The following CBFA2T2 variants were observed in gnomAD, a reference collection of about 807,000 sequenced individuals.
The protein encoded by CBFA2T2 is protein CBFA2T2.
In CBFA2T2, 11 loss-of-function variants were observed where a neutral mutation model predicts 62.2. The ratio of observed to expected loss-of-function variants is 0.18; its 90% CI spans 0.11 to 0.29. The LOEUF (loss-of-function observed/expected upper bound fraction) is 0.29. Ranked by LOEUF, CBFA2T2 falls within the 10% of genes least tolerant of loss-of-function variation. CBFA2T2 has a pLI of 1.00. For synonymous variants in CBFA2T2, 295 were observed against 287.5 expected (o/e 1.03, Z -0.27); for missense variants, 592 against 774.1 (o/e 0.76, Z 2.79).
chr20:33,614,114 CAAA>C (rs35963316), intron 3 of CBFA2T2, among the ~76,000 whole-genome samples: 2 of 102,382 alleles, frequency 2.0e-5, no homozygotes, highest in African/African-American at 3.5e-5. Context: ...GACTCCGTCT[CAAA>C]AAAAAAAAAA....
intron 8 of CBFA2T2, among the ~76,000 whole-genome samples, chr20:33,632,439 T>C (rs533794451): frequency 1.3e-5 from 2 of 152,200 alleles, no homozygotes; most frequent in African/African-American, 4.8e-5. Flanking sequence ...TTGGGCAGTA[T>C]TCTTAGACAT....
Position 33,528,834 on chromosome 20 carries a change from C to T in CBFA2T2, c.34+38533C>T, listed in dbSNP as rs77087442. ...GATTACAGGCGTAAGCCACTGCACC[C>T]GGCCTAAAATGTCAACTCTTGGTTG... On this transcript the variant is annotated intron_variant, in intron 1 of 10. Transcript: ENST00000342704. Among the ~76,000 whole-genome samples the T allele has an allele frequency of 0.012, 1,768 of 152,194 alleles. 87 individuals carry two copies. In the East Asian group the frequency reaches 0.16, roughly 14 times the overall value.
chr20:33,594,134 G>A (rs977250030), intron 1 of CBFA2T2, among the ~76,000 whole-genome samples: 3 of 152,240 alleles, frequency 2.0e-5, no homozygotes, highest in Non-Finnish European at 2.9e-5. Context: ...AGAGATGACA[G>A]TGGCTAAATT....
chr20:33,632,366 A>C (rs1310917829), intron 8 of CBFA2T2, among the ~76,000 whole-genome samples: 2 of 151,858 alleles, frequency 1.3e-5, no homozygotes, highest in African/African-American at 2.4e-5. Context: ...TTAGACACAT[A>C]GTTGTTTTAC....
At chr20:33,573,500 G>C (rs1280830053) in intron 1 of CBFA2T2, among the ~76,000 whole-genome samples, 5 of 144,428 alleles carry the variant, frequency 3.5e-5, no homozygotes, top group Non-Finnish European at 7.6e-5. Flanking sequence ...TTTTTCTTTT[G>C]AGATGGAGTC....
At chr20:33,593,041 A>G (rs1363308160) in intron 1 of CBFA2T2, among the ~76,000 whole-genome samples, 1 of 152,178 alleles carries the variant, frequency 6.6e-6, no homozygotes, top group Admixed American at 6.6e-5. Context: ...TTCACATTGA[A>G]AAATTATGAC....
chr20:33,634,004 T>C (rs764187903), intron 8 of CBFA2T2, among the ~76,000 whole-genome samples: 1 of 152,220 alleles, frequency 6.6e-6, no homozygotes, highest in Non-Finnish European at 1.5e-5. Flanking sequence ...AGTCTCGCTC[T>C]GTCACCTAGG....
chr20:33,636,901 A>G (rs1431586925), intron 9 of CBFA2T2, among the ~76,000 whole-genome samples, 193 bp downstream of exon 9: 1 of 152,114 alleles, frequency 6.6e-6, no homozygotes, highest in African/African-American at 2.4e-5. Flanking sequence ...GTTAATTTGC[A>G]GGTCAGGAGT....
intron 5 of CBFA2T2, chr20:33,623,993 A>T (rs1400305093): frequency 1.7e-6 from 1 of 572,746 alleles, no homozygotes; most frequent in African/African-American, 1.9e-5. Flanking sequence ...AAACAAAAAA[A>T]AAGAAATACA....
intron 1 of CBFA2T2, among the ~76,000 whole-genome samples, chr20:33,579,460 C>G (rs1257030896): frequency 6.6e-6 from 1 of 150,514 alleles, no homozygotes; most frequent in Non-Finnish European, 1.5e-5. Context: ...ATGGTTTGTG[C>G]TTTTTTGCTT....
intron 1 of CBFA2T2, among the ~76,000 whole-genome samples, chr20:33,511,185 G>A (rs529658939): frequency 1.3e-5 from 2 of 152,210 alleles, no homozygotes; most frequent in East Asian, 3.9e-4. Flanking sequence ...ATTGCTTTTG[G>A]TGTTTTAGTC....
At chr20:33,520,942 ATACACACACACACACTTTCACCTGCCAT>A (rs1388171951) in intron 1 of CBFA2T2, among the ~76,000 whole-genome samples, 1 of 149,040 alleles carries the variant, frequency 6.7e-6, no homozygotes, top group Admixed American at 6.9e-5. Flanking sequence ...CTGCCATCAC[ATACACACACACACACTTTCACCTGCCAT>A]CACACACACA....
intron 1 of CBFA2T2, among the ~76,000 whole-genome samples, chr20:33,602,288 C>T (rs1041443595): frequency 3.3e-5 from 5 of 151,902 alleles, no homozygotes; most frequent in Admixed American, 6.6e-5. Context: ...GCATTCTTCA[C>T]ATCAGGCTCA....
chr20:33,639,387 A>G (rs1376660199), intron 9 of CBFA2T2: 1 of 152,284 alleles, frequency 6.6e-6, no homozygotes, highest in East Asian at 1.9e-4. Flanking sequence ...ATCCTGGCTA[A>G]CATGGTGAAA....
chr20:33,494,241 GTGTATATATATATATATA>G (rs1407134081), intron 1 of CBFA2T2, among the ~76,000 whole-genome samples: 1 of 41,880 alleles, frequency 2.4e-5, no homozygotes, highest in Non-Finnish European at 4.1e-5. Context: ...GCATATATAT[GTGTATATATATATATATA>G]TATATATATA....
At chr20:33,551,385 T>G (rs757657602) in intron 1 of CBFA2T2, among the ~76,000 whole-genome samples, 1 of 152,112 alleles carries the variant, frequency 6.6e-6, no homozygotes, top group Non-Finnish European at 1.5e-5. Flanking sequence ...CCCAGCTAAT[T>G]TTGTATTTTT....
At chr20:33,498,453 A>G (rs959736655) in intron 1 of CBFA2T2, among the ~76,000 whole-genome samples, 27 of 151,834 alleles carry the variant, frequency 1.8e-4, no homozygotes, top group African/African-American at 6.3e-4. Context: ...GGGTTTCATC[A>G]TGTTGGCCAG....
At chr20:33,496,056 C>A (rs1181744903) in intron 1 of CBFA2T2, among the ~76,000 whole-genome samples, 1 of 152,122 alleles carries the variant, frequency 6.6e-6, no homozygotes, top group Non-Finnish European at 1.5e-5. Context: ...GTTTTAAGTG[C>A]TTTAAGCGTA....
intron 1 of CBFA2T2, among the ~76,000 whole-genome samples, chr20:33,583,088 C>T (rs182272530): frequency 6.6e-6 from 1 of 152,290 alleles, no homozygotes; most frequent in East Asian, 1.9e-4. Context: ...TTTCCTTTTA[C>T]ATTATATCAA....
Sources: gnomAD v4.1 joint callset for allele counts (sites outside exome capture counted in the v4.1 genomes callset) on GRCh38, gnomAD v4.1.1 for gene constraint, MANE v1.5 for transcripts, NCBI Gene and HGNC (gene_info 2026-07-23, HGNC 2026-07-21) for gene names.